Variants in FEV observed in about 807,000 individuals in gnomAD.
FEV encodes protein FEV.
In FEV, 14 loss-of-function variants were observed where a neutral mutation model predicts 20.5. The ratio of observed to expected loss-of-function variants is 0.68; its 90% CI spans 0.45 to 1.07. The LOEUF is 1.07. FEV is among the 50% of genes least tolerant of loss of function. The probability of loss-of-function intolerance (pLI) is 0.00; values close to 1 mark genes in which losing one functional copy is unlikely to be tolerated. For missense variants in FEV, 301 were observed against 345.3 expected, an observed-to-expected ratio of 0.87 and a Z score of 1.02; for synonymous variants, 188 against 163.7, an observed-to-expected ratio of 1.15 and a Z score of -1.13.
At position 218,984,519 on chromosome 2, in the gene FEV, A is replaced by G; in HGVS notation, c.53-214T>C. On this transcript the variant is annotated intron_variant, in intron 1 of 2. Coordinates refer to ENST00000295727, the MANE Select transcript of FEV (RefSeq NM_017521.3). This position sits in a 1 kb window ranked among gnomAD's most constrained non-coding sequence, Gnocchi z 5.0. ...CAAGTCAGGAAACGCGTCCAGGAAAAAGGAAATCCGCTTTCCGAAGGGGCC... is the reference window on the plus strand; with the variant it reads ...CAAGTCAGGAAACGCGTCCAGGAAAGAGGAAATCCGCTTTCCGAAGGGGCC... The G allele has an allele frequency of 2.1e-6, 1 of 481,250 alleles. No homozygotes were observed. The highest frequency in any genetic ancestry group is 3.8e-6 in the Non-Finnish European group (1 of 265,720). 29.8% of individuals were successfully genotyped at this position (481,250 alleles called of 1,614,324 possible).
Position 218,982,267 on chromosome 2 carries a change from G to C in FEV, c.128-11C>G, listed in dbSNP as rs561811754. 1.2e-5 allele frequency: 18 copies of C among 1,562,602 alleles called. No homozygotes were observed. The highest frequency in any genetic ancestry group is 4.7e-5 in the East Asian group (2 of 42,560). Reference sequence around the variant, plus strand: ...GGATCTGTCCGCTGCCTGTGGGGAGGGGGGCGGTCAGCCACAGGCGGGAGC... The same window carrying C: ...GGATCTGTCCGCTGCCTGTGGGGAGCGGGGCGGTCAGCCACAGGCGGGAGC... On this transcript the variant is annotated splice_polypyrimidine_tract_variant and intron_variant, in intron 2 of 2. Transcript: ENST00000295727.
rs749524651 is a variant in FEV, at chr2:218,985,104, G to A, written c.-29C>T. The A allele has an allele frequency of 6.8e-7, 1 of 1,480,770 alleles. No individual in the cohort carries two copies. The allele number at this position is 1,480,770 out of a possible 1,614,324, so 91.7% of individuals were successfully genotyped here. On this transcript the variant is annotated 5_prime_UTR_variant, in exon 1 of 3. Transcript: ENST00000295727. ...CGCCGGGGACTGGGCGGTGGGAGAT[G>A]GGGGGGACGGGGAAGGGGGGCGAGG...
chr2:218,982,650 G>A (rs969142126), intron 2 of FEV, among the ~76,000 whole-genome samples: 3 of 152,210 alleles, frequency 2.0e-5, no homozygotes, highest in Non-Finnish European at 4.4e-5. Context: ...TCAGCCGGGC[G>A]CCCTTATTTA....
rs1945383826 is a variant in FEV, at chr2:218,981,516, C to T, written c.*151G>A. 3 of 562,400 alleles carry T rather than the reference C, an allele frequency of 5.3e-6. No homozygotes were observed. Among genetic ancestry groups the T allele is most frequent in the Non-Finnish European group, 7.9e-6 (3 of 377,536 alleles). 34.8% of individuals were successfully genotyped at this position (562,400 alleles called of 1,614,324 possible). A position where few individuals can be genotyped will look rare whatever the true frequency, so the allele number is the denominator to read the frequency against. On this transcript the variant is annotated 3_prime_UTR_variant, in exon 3 of 3. Transcript: ENST00000295727. This position sits in a 1 kb window ranked among gnomAD's most constrained non-coding sequence, Gnocchi z 4.5. ...TACCAGACAAGGATTGAGGGAGCTTCGGTCCCGTCCCCCTGCTAAGTGCGG... is the reference window on the plus strand; with the variant it reads ...TACCAGACAAGGATTGAGGGAGCTTTGGTCCCGTCCCCCTGCTAAGTGCGG...
Position 218,984,375 on chromosome 2 carries a change from G to A in FEV, c.53-70C>T, listed in dbSNP as rs897974154. On this transcript the variant is annotated intron_variant, in intron 1 of 2. Transcript: ENST00000295727. This position sits in a 1 kb window ranked among gnomAD's most constrained non-coding sequence, Gnocchi z 5.0. ...GTTGTGGGCTTGACAAAAGGGCCCC[G>A]GGCCAAGGCTTAAGGGGGGTGCTGT... The A allele has an allele frequency of 3.3e-5, 48 of 1,459,746 alleles. No individual in the cohort carries two copies. The highest frequency in any genetic ancestry group is 4.5e-5 in the Non-Finnish European group (48 of 1,072,038). 90.4% of individuals were successfully genotyped at this position (1,459,746 alleles called of 1,614,324 possible).
At position 218,981,314 on chromosome 2, in the gene FEV, G is replaced by C. The variant is rs1381466674; in HGVS notation, c.*353C>G. The C allele has an allele frequency of 7.6e-6, 2 of 263,190 alleles. No individual in the cohort carries two copies. Among genetic ancestry groups the C allele is most frequent in the Non-Finnish European group, 1.4e-5 (2 of 138,884 alleles). The allele number at this position is 263,190 out of a possible 1,614,324, so 16.3% of individuals were successfully genotyped here. A position where few individuals can be genotyped will look rare whatever the true frequency, so the allele number is the denominator to read the frequency against. On this transcript the variant is annotated 3_prime_UTR_variant, in exon 3 of 3. Transcript: ENST00000295727. This position sits in a 1 kb window ranked among gnomAD's most constrained non-coding sequence, Gnocchi z 4.5. ...GGGAAAAGATTTGGCACTCGTTAAA[G>C]AGTAGTGATATTGAATGGGGCTTCT...
Position 218,984,258 on chromosome 2 carries a change from C to A in FEV, c.100G>T (p.Gly34Trp), listed in dbSNP as rs372143346. 8.7e-6 allele frequency: 14 copies of A among 1,601,892 alleles called. No individual in the cohort carries two copies. The African/African-American group carries it at 1.9e-4, about 21-fold the overall frequency. The change falls in exon 2 of 3, where the codon GGG (glycine) becomes TGG (tryptophan). Residue 34 changes from glycine to tryptophan, a missense_variant. By Grantham distance (184) the Gly-to-Trp change is radical (BLOSUM62 -2). Transcript: ENST00000295727. This position sits in a 1 kb window ranked among gnomAD's most constrained non-coding sequence, Gnocchi z 5.0. Reference sequence around the variant, plus strand: ...TTCTGAACCGCGGGGCTCAGCGGCCCCCAGCTCGGGTTCTTCCCGTCCTTG... The same window carrying A: ...TTCTGAACCGCGGGGCTCAGCGGCCACCAGCTCGGGTTCTTCCCGTCCTTG... ...LFKDGKNPSW[G>W]PLSPAVQKGS... is the part of the protein sequence containing the mutation.
In FEV at chr2:218,981,726, G is replaced by A; in HGVS notation, c.658C>T (p.Pro220Ser). The A allele has an allele frequency of 3.8e-6, 5 of 1,332,786 alleles. No homozygotes were observed. Among genetic ancestry groups the A allele is most frequent in the Non-Finnish European group, 4.8e-6 (5 of 1,048,560 alleles). The allele number at this position is 1,332,786 out of a possible 1,614,324, so 82.6% of individuals were successfully genotyped here. ...GCCACGGCCCCGAAGGGCCCGGGCGGGGGCTGCAAGCTGGGACTGGGGTAG... is the reference window on the plus strand; with the variant it reads ...GCCACGGCCCCGAAGGGCCCGGGCGAGGGCTGCAAGCTGGGACTGGGGTAG... The part of the protein sequence containing the change: ...ALYPSPSLQP[P>S]PGPFGAVAAA... Residue 220 changes from proline (P) to serine (S), a missense_variant, in exon 3 of 3, where the codon CCG (proline) becomes TCG (serine). Physicochemically the swap from Pro to Ser is moderately conservative, Grantham distance 74. Coordinates refer to ENST00000295727, the MANE Select transcript of FEV (RefSeq NM_017521.3). The surrounding 1 kb of genome is among the most constrained non-coding windows in gnomAD (Gnocchi z 4.5).
chr2:218,981,606 C>A lies in FEV; in HGVS notation c.*61G>T, dbSNP rs2301296. The stretch of plus-strand genomic sequence containing the variant: ...GGCTCCCGGGCCCTCCCCGGGATGC[C>A]GATGGGATCGGGCGAGACTCTAGGC... On this transcript the variant is annotated 3_prime_UTR_variant, in exon 3 of 3. Coordinates refer to ENST00000295727, the MANE Select transcript of FEV (RefSeq NM_017521.3). This position sits in a 1 kb window ranked among gnomAD's most constrained non-coding sequence, Gnocchi z 4.5. 0.032 allele frequency: 39,466 copies of A among 1,218,660 alleles called. 3,265 individuals are homozygous for A. Among genetic ancestry groups the A allele is most frequent in the African/African-American group, 0.27 (17,424 of 63,844 alleles). The allele number at this position is 1,218,660 out of a possible 1,614,324, so 75.5% of individuals were successfully genotyped here. A position where few individuals can be genotyped will look rare whatever the true frequency, so the allele number is the denominator to read the frequency against.
At chr2:218,983,395 G>A (rs758751184) in intron 2 of FEV, among the ~76,000 whole-genome samples, 3 of 152,132 alleles carry the variant, frequency 2.0e-5, no homozygotes, top group African/African-American at 4.8e-5. Flanking sequence ...GAATCCAGAC[G>A]CTACCCTTCC....
chr2:218,981,612 G>A lies in FEV; in HGVS notation c.*55C>T. On this transcript the variant is annotated 3_prime_UTR_variant, in exon 3 of 3. Coordinates refer to ENST00000295727, the MANE Select transcript of FEV (RefSeq NM_017521.3). The surrounding 1 kb of genome is among the most constrained non-coding windows in gnomAD (Gnocchi z 4.5). The stretch of plus-strand genomic sequence containing the variant: ...CGGGCCCTCCCCGGGATGCCGATGG[G>A]ATCGGGCGAGACTCTAGGCGTGCGG... 1 of 1,235,484 alleles carries A rather than the reference G, an allele frequency of 8.1e-7. No homozygotes were observed. The highest frequency in any genetic ancestry group is 1.0e-6 in the Non-Finnish European group (1 of 980,770). The allele number at this position is 1,235,484 out of a possible 1,614,324, so 76.5% of individuals were successfully genotyped here. A position where few individuals can be genotyped will look rare whatever the true frequency, so the allele number is the denominator to read the frequency against.
chr2:218,984,876 G>A lies in FEV; in HGVS notation c.52+148C>T. On this transcript the variant is annotated intron_variant, in intron 1 of 2. Coordinates refer to ENST00000295727, the MANE Select transcript of FEV (RefSeq NM_017521.3). The surrounding 1 kb of genome is among the most constrained non-coding windows in gnomAD (Gnocchi z 5.0). Reference sequence around the variant, plus strand: ...CTCTATCTGCCTTTAGGTCTCCCCAGTGCCCTACATTACAATCGGCCCTCC... The same window carrying A: ...CTCTATCTGCCTTTAGGTCTCCCCAATGCCCTACATTACAATCGGCCCTCC... 1 of 734,498 alleles carries A rather than the reference G, an allele frequency of 1.4e-6. No individual in the cohort carries two copies. Among genetic ancestry groups the A allele is most frequent in the Non-Finnish European group, 2.4e-6 (1 of 417,624 alleles). 45.5% of individuals were successfully genotyped at this position (734,498 alleles called of 1,614,324 possible).
Position 218,982,446 on chromosome 2 carries a change from C to CT in FEV, c.128-191dup, listed in dbSNP as rs35898226. Among the ~76,000 whole-genome samples, 7,232 of 152,318 alleles carry CT rather than the reference C, an allele frequency of 0.047. 587 individuals are homozygous for CT. Among genetic ancestry groups the CT allele is most frequent in the African/African-American group, 0.16 (6,759 of 41,532 alleles). On this transcript the variant is annotated intron_variant, in intron 2 of 2. Transcript: ENST00000295727. ...GCTGATCAGCAGAGTGGTGTGTAGC[C>CT]TTACCGCGCTTTTGCACAATGGAAA... is the stretch of plus-strand genomic sequence containing the variant.
At position 218,982,360 on chromosome 2, in the gene FEV, G is replaced by T. The variant is rs1223737031; in HGVS notation, c.128-104C>A. On this transcript the variant is annotated intron_variant, in intron 2 of 2. Transcript: ENST00000295727. ...CCACCCCGGCAGGAACCGGCACTGGGGGAGGAAAAGTGCAAGTCAAACTGC... is the reference window on the plus strand; with the variant it reads ...CCACCCCGGCAGGAACCGGCACTGGTGGAGGAAAAGTGCAAGTCAAACTGC... The T allele has an allele frequency of 1.4e-5, 15 of 1,049,660 alleles. No individual in the cohort carries two copies. The East Asian group carries it at 3.9e-4, about 27-fold the overall frequency. 65.0% of individuals were successfully genotyped at this position (1,049,660 alleles called of 1,614,324 possible). A position where few individuals can be genotyped will look rare whatever the true frequency, so the allele number is the denominator to read the frequency against.
At position 218,984,547 on chromosome 2, in the gene FEV, C is replaced by T; in HGVS notation, c.53-242G>A. The T allele has an allele frequency of 2.1e-6, 1 of 466,402 alleles. No homozygotes were observed. The highest frequency in any genetic ancestry group is 3.9e-6 in the Non-Finnish European group (1 of 257,812). The allele number at this position is 466,402 out of a possible 1,614,324, so 28.9% of individuals were successfully genotyped here. On this transcript the variant is annotated intron_variant, in intron 1 of 2. Coordinates refer to ENST00000295727, the MANE Select transcript of FEV (RefSeq NM_017521.3). This position sits in a 1 kb window ranked among gnomAD's most constrained non-coding sequence, Gnocchi z 5.0. ...GAAATCCGCTTTCCGAAGGGGCCGGCTGGAGCCTTATAAAGCCGAGCGGGG... is the reference window on the plus strand; with the variant it reads ...GAAATCCGCTTTCCGAAGGGGCCGGTTGGAGCCTTATAAAGCCGAGCGGGG...
At position 218,981,952 on chromosome 2, in the gene FEV, G is replaced by T; in HGVS notation, c.432C>A (p.Ala144=). Residue 144 remains alanine (A), a synonymous_variant, in exon 3 of 3, where the codon GCC becomes GCA. Transcript: ENST00000295727. This position sits in a 1 kb window ranked among gnomAD's most constrained non-coding sequence, Gnocchi z 4.5. ...ACQPPPAHAH[A]AAAAAAAAAA... Reference sequence around the variant, plus strand: ...CGGCGGCGGCAGCAGCTGCGGCGGCGGCATGAGCGTGCGCGGGCGGCGGCT... The same window carrying T: ...CGGCGGCGGCAGCAGCTGCGGCGGCTGCATGAGCGTGCGCGGGCGGCGGCT... The T allele has an allele frequency of 6.6e-7, 1 of 1,516,044 alleles. No homozygotes were observed. The highest frequency in any genetic ancestry group is 8.8e-7 in the Non-Finnish European group (1 of 1,135,138). The allele number at this position is 1,516,044 out of a possible 1,614,324, so 93.9% of individuals were successfully genotyped here.
chr2:218,984,403 T>C lies in FEV; in HGVS notation c.53-98A>G. The C allele has an allele frequency of 8.4e-7, 1 of 1,192,458 alleles. No homozygotes were observed. The highest frequency in any genetic ancestry group is 1.1e-6 in the Non-Finnish European group (1 of 871,182). The allele number at this position is 1,192,458 out of a possible 1,614,324, so 73.9% of individuals were successfully genotyped here. A position where few individuals can be genotyped will look rare whatever the true frequency, so the allele number is the denominator to read the frequency against. On this transcript the variant is annotated intron_variant, in intron 1 of 2. Coordinates refer to ENST00000295727, the MANE Select transcript of FEV (RefSeq NM_017521.3). This position sits in a 1 kb window ranked among gnomAD's most constrained non-coding sequence, Gnocchi z 5.0. Reference sequence around the variant, plus strand: ...CCAAGGCTTAAGGGGGGTGCTGTGGTCCCCAGGCGCGAGGCTGGGGGCCCG... The same window carrying C: ...CCAAGGCTTAAGGGGGGTGCTGTGGCCCCCAGGCGCGAGGCTGGGGGCCCG...
Position 218,981,679 on chromosome 2 carries a change from G to T in FEV, c.705C>A (p.Gly235=). 7.5e-7 allele frequency: 1 copy of T among 1,338,986 alleles called. No homozygotes were observed. 82.9% of individuals were successfully genotyped at this position (1,338,986 alleles called of 1,614,324 possible). A position where few individuals can be genotyped will look rare whatever the true frequency, so the allele number is the denominator to read the frequency against. ...CCGACCGCCCCGTCTAGTGGTAATGGCCCCCCAAGTGCGAGGCTGCGGCCA... is the reference window on the plus strand; with the variant it reads ...CCGACCGCCCCGTCTAGTGGTAATGTCCCCCCAAGTGCGAGGCTGCGGCCA... ...GAVAAASHLG[G]HYH is the part of the protein sequence containing the mutation. The change falls in exon 3 of 3, where the codon GGC becomes GGA. Residue 235 remains glycine (G), a synonymous_variant. Coordinates refer to ENST00000295727, the MANE Select transcript of FEV (RefSeq NM_017521.3). This position sits in a 1 kb window ranked among gnomAD's most constrained non-coding sequence, Gnocchi z 4.5.
chr2:218,984,944 C>G lies in FEV; in HGVS notation c.52+80G>C. The G allele has an allele frequency of 7.6e-7, 1 of 1,311,520 alleles. No individual in the cohort carries two copies. The highest frequency in any genetic ancestry group is 1.1e-6 in the Non-Finnish European group (1 of 928,476). The allele number at this position is 1,311,520 out of a possible 1,614,324, so 81.2% of individuals were successfully genotyped here. ...GGACACTTCTCCTTCCCCTGGACCC[C>G]AGCACTCTCTTCCCATGCCTGAGCC... is the stretch of plus-strand genomic sequence containing the variant. On this transcript the variant is annotated intron_variant, in intron 1 of 2. Transcript: ENST00000295727. This position sits in a 1 kb window ranked among gnomAD's most constrained non-coding sequence, Gnocchi z 5.0.
Sources: gnomAD v4.1 joint callset for allele counts (sites outside exome capture counted in the v4.1 genomes callset) on GRCh38, gnomAD v4.1.1 for gene constraint, Gnocchi (gnomAD v3.1) non-coding constraint, MANE v1.5 for transcripts, NCBI Gene and HGNC (gene_info 2026-07-23, HGNC 2026-07-21) for gene names.